MACROD2: variants seen among roughly 807,000 people sequenced by gnomAD.
MACROD2 encodes the protein ADP-ribose glycohydrolase MACROD2.
In MACROD2, 36 loss-of-function variants were observed where a neutral mutation model predicts 70.4. The observed-to-expected ratio is 0.51, with a 90% confidence interval of 0.39 to 0.68. The LOEUF (loss-of-function observed/expected upper bound fraction) is 0.68, where lower values mean the gene tolerates loss of function less well. Among genes scored for constraint, MACROD2 ranks in the 30% least tolerant of loss-of-function variants. The pLI, the probability that MACROD2 is intolerant of heterozygous loss-of-function variation, is 0.00. For missense variants in MACROD2, 496 were observed against 538.4 expected, an observed-to-expected ratio of 0.92 and a Z score of 0.78; for synonymous variants, 172 against 178.8, an observed-to-expected ratio of 0.96 and a Z score of 0.30.
At chr20:15,957,697 C>G (rs2065997698) in intron 12 of MACROD2, among the ~76,000 whole-genome samples, 1 of 152,196 alleles carries the variant, frequency 6.6e-6, no homozygotes, top group African/African-American at 2.4e-5. Context: ...AGAAGGAAGT[C>G]TCCTCTGGGA....
intron 6 of MACROD2, among the ~76,000 whole-genome samples, chr20:15,257,957 C>G (rs961751765): frequency 6.6e-6 from 1 of 151,664 alleles, no homozygotes; most frequent in Non-Finnish European, 1.5e-5. Flanking sequence ...AGGAGGAAGA[C>G]AGTGATATTG....
intron 5 of MACROD2, among the ~76,000 whole-genome samples, chr20:14,713,589 A>C (rs2071362800): frequency 6.6e-6 from 1 of 152,206 alleles, no homozygotes; most frequent in South Asian, 2.1e-4. Context: ...GGGCCAAGGT[A>C]AAGCATATCT....
intron 3 of MACROD2, among the ~76,000 whole-genome samples, chr20:14,282,719 G>C (rs148891364): frequency 1.3e-5 from 2 of 152,290 alleles, no homozygotes; most frequent in African/African-American, 4.8e-5. Flanking sequence ...ATGGTGGAAG[G>C]CAAAGGAGGA....
At chr20:14,788,386 A>G (rs2072401168) in intron 5 of MACROD2, among the ~76,000 whole-genome samples, 1 of 151,930 alleles carries the variant, frequency 6.6e-6, no homozygotes, top group Non-Finnish European at 1.5e-5. Flanking sequence ...AGAGTTCAAG[A>G]GCAGCCTGGG....
chr20:14,468,764 C>A (rs980505464), intron 3 of MACROD2, among the ~76,000 whole-genome samples: 1 of 152,062 alleles, frequency 6.6e-6, no homozygotes, highest in African/African-American at 2.4e-5. Context: ...CCCGCCTTGG[C>A]CTCCCAAAGT....
At chr20:14,392,302 C>T (rs999245388) in intron 3 of MACROD2, among the ~76,000 whole-genome samples, 1 of 151,672 alleles carries the variant, frequency 6.6e-6, no homozygotes, top group South Asian at 2.1e-4. Context: ...CCGTTCTTTC[C>T]TCCTTCCTTC....
chr20:15,537,432 A>C (rs983311527), intron 8 of MACROD2, among the ~76,000 whole-genome samples: 1 of 144,648 alleles, frequency 6.9e-6, no homozygotes, highest in African/African-American at 2.5e-5. Context: ...GTCACCAGGG[A>C]TAGTCTTTCA....
At chr20:15,041,623 T>C (rs539408438) in intron 5 of MACROD2, among the ~76,000 whole-genome samples, 1 of 152,198 alleles carries the variant, frequency 6.6e-6, no homozygotes, top group South Asian at 2.1e-4. Context: ...TAAACATTTT[T>C]TGTAGTGATG....
rs374915541 is a variant in MACROD2, at chr20:14,659,399, G to A, written c.302-25444G>A. Among the ~76,000 whole-genome samples the A allele has an allele frequency of 2.0e-5, 3 of 152,154 alleles. No individual in the cohort carries two copies. The East Asian group carries it at 5.8e-4, about 29-fold the overall frequency. ...GTCTTGTAGCAATATAATAATGTCA[G>A]TTCTCCTCACCTGCTGGGGACAGAC... On this transcript the variant is annotated intron_variant, in intron 4 of 17. Transcript: ENST00000684519.
intron 7 of MACROD2, among the ~76,000 whole-genome samples, chr20:15,465,496 T>C (rs530772891): frequency 2.0e-5 from 3 of 152,234 alleles, no homozygotes; most frequent in Non-Finnish European, 4.4e-5. Context: ...AATCTCGGGA[T>C]GGAGTTTGCA....
At position 14,285,699 on chromosome 20, in the gene MACROD2, G is replaced by A. The variant is rs76305948; in HGVS notation, c.271+199971G>A. Among the ~76,000 whole-genome samples the A allele has an allele frequency of 2.7e-3, 417 of 152,096 alleles. 6 individuals are homozygous for A. The highest frequency in any genetic ancestry group is 9.5e-3 in the African/African-American group (393 of 41,516). On this transcript the variant is annotated intron_variant, in intron 3 of 17. Coordinates refer to ENST00000684519, the MANE Select transcript of MACROD2 (RefSeq NM_001351661.2). The stretch of plus-strand genomic sequence containing the variant: ...TCACTTTATGGGAAGGTTGTATCAT[G>A]GTTTTTGGGTATGGATAACTTTATT...
At chr20:14,084,078 C>A (rs4813151) in intron 2 of MACROD2, among the ~76,000 whole-genome samples, 107,609 of 109,726 alleles carry the variant, frequency 0.98, 52,791 homozygotes, top group East Asian at 1. Context: ...AAACAAAAAA[C>A]AAACAAAAAA....
chr20:14,497,387 T>C (rs1489244713), intron 4 of MACROD2, among the ~76,000 whole-genome samples: 1 of 151,794 alleles, frequency 6.6e-6, no homozygotes, highest in East Asian at 1.9e-4. Context: ...TTTTGGAATA[T>C]ATAGTAAAAT....
chr20:15,215,394 A>G (rs1297728871), intron 5 of MACROD2, among the ~76,000 whole-genome samples: 1 of 151,842 alleles, frequency 6.6e-6, no homozygotes, highest in Non-Finnish European at 1.5e-5. Flanking sequence ...AGCAATTTCT[A>G]CAATTCAGTT....
chr20:14,936,420 C>T (rs1028820968), intron 5 of MACROD2, among the ~76,000 whole-genome samples: 4 of 152,158 alleles, frequency 2.6e-5, no homozygotes, highest in Non-Finnish European at 5.9e-5. Flanking sequence ...CATAAACTAC[C>T]TCTTCAAATA....
chr20:14,604,898 CTT>C (rs1357094821), intron 4 of MACROD2, among the ~76,000 whole-genome samples: 1 of 152,148 alleles, frequency 6.6e-6, no homozygotes, highest in African/African-American at 2.4e-5. Flanking sequence ...AAATAAATGT[CTT>C]TATGTATGGA....
chr20:14,293,370 A>C (rs1447629362), intron 3 of MACROD2, among the ~76,000 whole-genome samples: 1 of 151,830 alleles, frequency 6.6e-6, no homozygotes, highest in Non-Finnish European at 1.5e-5. Context: ...AAAAAAGTAG[A>C]ATAGAGAGTG....
chr20:14,380,490 C>G (rs2083410947), intron 3 of MACROD2, among the ~76,000 whole-genome samples: 2 of 151,954 alleles, frequency 1.3e-5, no homozygotes, highest in South Asian at 4.1e-4. Flanking sequence ...TTGCCAAATC[C>G]AAGATCAAGA....
chr20:14,582,315 A>T (rs570588379), intron 4 of MACROD2, among the ~76,000 whole-genome samples: 1 of 151,592 alleles, frequency 6.6e-6, no homozygotes, highest in East Asian at 1.9e-4. Flanking sequence ...GGGACACTTT[A>T]CTCACAAATC....
Sources: gnomAD v4.1 joint callset for allele counts (sites outside exome capture counted in the v4.1 genomes callset) on GRCh38, gnomAD v4.1.1 for gene constraint, MANE v1.5 for transcripts, NCBI Gene and HGNC (gene_info 2026-07-23, HGNC 2026-07-21) for gene names.